THSD7A: variants seen among roughly 807,000 people sequenced by gnomAD.
THSD7A encodes thrombospondin type-1 domain-containing protein 7A.
In THSD7A, 96 loss-of-function variants were observed where a neutral mutation model predicts 231.3. The ratio of observed to expected loss-of-function variants is 0.41; its 90% CI spans 0.35 to 0.49. The LOEUF (loss-of-function observed/expected upper bound fraction) is 0.49, where lower values mean the gene tolerates loss of function less well. Ranked by LOEUF, THSD7A falls within the 20% of genes least tolerant of loss-of-function variation. The pLI is 0.05. For synonymous variants in THSD7A, 940 were observed against 743.3 expected (o/e 1.26, Z -4.30); for missense variants, 2,290 against 2,070.2 (o/e 1.11, Z -2.06).
Position 11,593,522 on chromosome 7 carries a change from T to G in THSD7A, c.1023-20A>C. 6.2e-7 allele frequency: 1 copy of G among 1,610,460 alleles called. No individual in the cohort carries two copies. The highest frequency in any genetic ancestry group is 8.5e-7 in the Non-Finnish European group (1 of 1,177,222). ...CAAAAGCTGTAAAAGAGCATTGATA[T>G]TCTCATTACAGACTCACAGGCAGTT... On this transcript the variant is annotated intron_variant, in intron 2 of 27. Transcript: ENST00000423059.
intron 6 of THSD7A, among the ~76,000 whole-genome samples, chr7:11,521,234 A>G (rs1788248846): frequency 6.6e-6 from 1 of 152,158 alleles, no homozygotes; most frequent in Non-Finnish European, 1.5e-5. Flanking sequence ...CTCCATTAGA[A>G]GTACTTCCTT....
chr7:11,696,458 T>C (rs1490451525), intron 1 of THSD7A, among the ~76,000 whole-genome samples: 4 of 151,528 alleles, frequency 2.6e-5, no homozygotes, highest in South Asian at 2.1e-4. Flanking sequence ...CTGGGATACA[T>C]GTGCAGAAAG....
chr7:11,462,451 G>C (rs962900531), intron 9 of THSD7A, among the ~76,000 whole-genome samples: 1 of 152,156 alleles, frequency 6.6e-6, no homozygotes, highest in African/African-American at 2.4e-5. Context: ...TGAGGAATAT[G>C]ACAGATCTAA....
At chr7:11,611,840 GTCTATCTA>G (rs570012898) in intron 2 of THSD7A, among the ~76,000 whole-genome samples, 4,473 of 139,484 alleles carry the variant, frequency 0.032, 89 homozygotes, top group South Asian at 0.042. Context: ...ACTATCATCT[GTCTATCTA>G]TCTATCTATC....
intron 1 of THSD7A, among the ~76,000 whole-genome samples, chr7:11,806,530 G>C (rs745643532): frequency 6.6e-6 from 1 of 152,210 alleles, no homozygotes; most frequent in South Asian, 2.1e-4. Context: ...AAAAAGGCAG[G>C]AGTATTTCAG....
intron 2 of THSD7A, among the ~76,000 whole-genome samples, chr7:11,597,677 G>A (rs755748505): frequency 3.9e-5 from 6 of 152,134 alleles, no homozygotes; most frequent in South Asian, 4.1e-4. Context: ...GAAATTGAAC[G>A]TTTGATTATA....
rs1190599913 is a variant in THSD7A, at chr7:11,831,483, T to C, written c.190+274A>G. 6.6e-6 allele frequency among the ~76,000 whole-genome samples: 1 copy of C among 152,172 alleles called. No homozygotes were observed. Among genetic ancestry groups the C allele is most frequent in the Non-Finnish European group, 1.5e-5 (1 of 68,014 alleles). Reference sequence around the variant, plus strand: ...AGAATGAAAATCCAGGGGTTAAAAATAATGCACTTCATCATGGAAGTGCGC... The same window carrying C: ...AGAATGAAAATCCAGGGGTTAAAAACAATGCACTTCATCATGGAAGTGCGC... On this transcript the variant is annotated intron_variant, in intron 1 of 27. Transcript: ENST00000423059. The surrounding 1 kb of genome is among the most constrained non-coding windows in gnomAD (Gnocchi z 5.0).
chr7:11,600,129 T>C (rs1301722240), intron 2 of THSD7A, among the ~76,000 whole-genome samples: 1 of 152,104 alleles, frequency 6.6e-6, no homozygotes, highest in Non-Finnish European at 1.5e-5. Context: ...ATATGGCCTA[T>C]TAGTTCTGTC....
intron 6 of THSD7A, among the ~76,000 whole-genome samples, chr7:11,485,452 C>A (rs1786615263): frequency 6.6e-6 from 1 of 152,154 alleles, no homozygotes; most frequent in African/African-American, 2.4e-5. Context: ...GCTGAATGCC[C>A]ATCTTCTGTC....
Position 11,429,133 on chromosome 7 carries a change from G to C in THSD7A, c.3065-8C>G. ...AGGCCTCCTCAATGTAACCTGAGTAGAGGAAAATGAGACAAGAATCATCTC... is the reference window on the plus strand; with the variant it reads ...AGGCCTCCTCAATGTAACCTGAGTACAGGAAAATGAGACAAGAATCATCTC... On this transcript the variant is annotated splice_region_variant and splice_polypyrimidine_tract_variant and intron_variant, in intron 13 of 27. Transcript: ENST00000423059. 1 of 1,551,890 alleles carries C rather than the reference G, an allele frequency of 6.4e-7. No homozygotes were observed. Among genetic ancestry groups the C allele is most frequent in the South Asian group, 1.2e-5 (1 of 81,088 alleles).
intron 6 of THSD7A, among the ~76,000 whole-genome samples, chr7:11,483,231 CT>C (rs1441933100): frequency 6.6e-6 from 1 of 152,112 alleles, no homozygotes; most frequent in African/African-American, 2.4e-5. Flanking sequence ...TATTCATATG[CT>C]TTAAAAACAA....
At chr7:11,777,414 TACACAC>T (rs66487858) in intron 1 of THSD7A, among the ~76,000 whole-genome samples, 20,091 of 147,024 alleles carry the variant, frequency 0.14, 1,456 homozygotes, top group South Asian at 0.19. Flanking sequence ...GTAAATTAAG[TACACAC>T]ACACACACAC....
intron 1 of THSD7A, among the ~76,000 whole-genome samples, chr7:11,675,134 G>C (rs74951953): frequency 0.053 from 8,012 of 152,050 alleles, 700 homozygotes; most frequent in African/African-American, 0.18. Context: ...GAAGCAGGTG[G>C]GGTGTTGCCT....
At chr7:11,494,458 G>A (rs1177906071) in intron 6 of THSD7A, among the ~76,000 whole-genome samples, 3 of 151,912 alleles carry the variant, frequency 2.0e-5, no homozygotes, top group Non-Finnish European at 4.4e-5. Context: ...TATGACTAAA[G>A]TTCCAGGTAA....
At chr7:11,379,021 C>A (rs1401225082) in intron 26 of THSD7A, 49 bp downstream of exon 26, 1 of 1,580,786 alleles carries the variant, frequency 6.3e-7, no homozygotes, top group Admixed American at 1.7e-5. Context: ...TTTGGCATTG[C>A]CTAAAAGAAC....
chr7:11,764,830 T>G (rs1216278949), intron 1 of THSD7A, among the ~76,000 whole-genome samples: 1 of 152,062 alleles, frequency 6.6e-6, no homozygotes, highest in Non-Finnish European at 1.5e-5. Flanking sequence ...TAAAACAATA[T>G]TTTAAAATTG....
At chr7:11,798,351 A>G (rs1421625299) in intron 1 of THSD7A, among the ~76,000 whole-genome samples, 1 of 152,000 alleles carries the variant, frequency 6.6e-6, no homozygotes, top group African/African-American at 2.4e-5. Context: ...CATGTCTGTA[A>G]TCCTAGATAC....
chr7:11,446,347 C>G lies in THSD7A; in HGVS notation c.2801-23G>C, dbSNP rs777139036. 6.3e-7 allele frequency: 1 copy of G among 1,595,990 alleles called. No homozygotes were observed. Among genetic ancestry groups the G allele is most frequent in the South Asian group, 1.1e-5 (1 of 88,244 alleles). ...TTCCTGTGGAAGAGAAACAATCAGG[C>G]AATTTAAGTTGGAAAATACCATCAT... On this transcript the variant is annotated intron_variant, in intron 12 of 27. Coordinates refer to ENST00000423059, the MANE Select transcript of THSD7A (RefSeq NM_015204.3). The surrounding 1 kb of genome is among the most constrained non-coding windows in gnomAD (Gnocchi z 4.0).
chr7:11,733,012 G>A (rs2883589), intron 1 of THSD7A, among the ~76,000 whole-genome samples: 110,581 of 151,350 alleles, frequency 0.73, 40,462 homozygotes, highest in South Asian at 0.79. Context: ...AATGTTACCA[G>A]GAAATGTAAC....
Sources: gnomAD v4.1 joint callset for allele counts (sites outside exome capture counted in the v4.1 genomes callset) on GRCh38, gnomAD v4.1.1 for gene constraint, Gnocchi (gnomAD v3.1) non-coding constraint, MANE v1.5 for transcripts, NCBI Gene and HGNC (gene_info 2026-07-23, HGNC 2026-07-21) for gene names.